DNAH3: variants seen among roughly 807,000 people sequenced by gnomAD.
The protein encoded by DNAH3 is dynein axonemal heavy chain 3.
DNAH3 carries 332 observed loss-of-function variants against 432.5 expected under a neutral mutation model. That is an observed-to-expected ratio of 0.77 (90% confidence interval 0.70 to 0.84). The LOEUF is 0.84. Among genes scored for constraint, DNAH3 ranks in the 40% least tolerant of loss-of-function variants. The probability of loss-of-function intolerance (pLI) is 0.00; values close to 1 mark genes in which losing one functional copy is unlikely to be tolerated. For synonymous variants in DNAH3, 1,956 were observed against 1,900.2 expected (o/e 1.03, Z -0.76); for missense variants, 4,861 against 5,114.0 (o/e 0.95, Z 1.51).
chr16:21,060,409 G>A (rs751122521), intron 25 of DNAH3, 53 bp from the exon 26 acceptor site: 1 of 1,393,146 alleles, frequency 7.2e-7, no homozygotes, highest in Non-Finnish European at 1.0e-6. Context: ...CCCAGAGGGA[G>A]GGAGAGTGGG....
At chr16:21,083,085 C>A (rs879338902) in intron 19 of DNAH3, among the ~76,000 whole-genome samples, 4 of 151,032 alleles carry the variant, frequency 2.6e-5, no homozygotes, top group Non-Finnish European at 5.9e-5. Flanking sequence ...GGCGCAATCT[C>A]GGCTCACTGC....
chr16:20,963,174 G>A (rs2084900329), intron 53 of DNAH3, 110 bp downstream of exon 53: 3 of 1,063,778 alleles, frequency 2.8e-6, no homozygotes, highest in South Asian at 3.3e-5. Flanking sequence ...TGAACCACCT[G>A]GCCTTCAAAG....
chr16:21,021,997 A>T (rs1275306745), exon 40 of DNAH3: 7 of 1,613,994 alleles, frequency 4.3e-6, no homozygotes, highest in Non-Finnish European at 5.9e-6. Flanking sequence ...CAGTCTCATC[A>T]TTGAGAAGGC....
rs142544180 is a variant in DNAH3, at chr16:21,154,603, A to G, written c.117+4722T>C. ...GACTGCTGCTAGGCACTTAGTAGAC[A>G]TCATGTCTTTGAATCTTCTCAACAA... On this transcript the variant is annotated intron_variant, in intron 1 of 61. Transcript: ENST00000261383. Among the ~76,000 whole-genome samples, 10 of 152,306 alleles carry G rather than the reference A, an allele frequency of 6.6e-5. 1 individual carries two copies. The East Asian group carries it at 1.9e-3, about 29-fold the overall frequency.
At position 21,027,036 on chromosome 16, in the gene DNAH3, G is replaced by C. The variant is rs748295537; in HGVS notation, c.5531C>G (p.Thr1844Ser). ...GTGAGGGCTGCCTCACCTGCTCACAGTGGCTGGAGAGGCTTGCTCGAGGTC... is the reference window on the plus strand; with the variant it reads ...GTGAGGGCTGCCTCACCTGCTCACACTGGCTGGAGAGGCTTGCTCGAGGTC... The change falls in exon 38 of 62, where the codon ACT becomes AGT. Residue 1844 changes from threonine to serine, a missense_variant. By Grantham distance (58) the Thr-to-Ser change is moderately conservative. Coordinates refer to ENST00000261383, the Ensembl canonical transcript of DNAH3. The C allele has an allele frequency of 1.9e-6, 3 of 1,613,220 alleles. No homozygotes were observed. In the Admixed American group the frequency reaches 5.0e-5, roughly 27 times the overall value.
chr16:21,112,028 G>T (rs1467634640), exon 13 of DNAH3: 1 of 1,613,678 alleles, frequency 6.2e-7, no homozygotes, highest in Admixed American at 1.7e-5. Context: ...TTTTCTTTCA[G>T]GAACGCAGCG....
At chr16:21,027,907 C>A (rs1175068201) in intron 37 of DNAH3, among the ~76,000 whole-genome samples, 1 of 152,344 alleles carries the variant, frequency 6.6e-6, no homozygotes, top group South Asian at 2.1e-4. Flanking sequence ...AATTCTTTCA[C>A]AAAAGACCCA....
At chr16:20,956,474 G>A (rs1326305084) in intron 54 of DNAH3, among the ~76,000 whole-genome samples, 1 of 152,072 alleles carries the variant, frequency 6.6e-6, no homozygotes. Context: ...ACTATTTCTT[G>A]TATCCAGCCC....
At chr16:20,966,534 T>C (rs1417173849) in intron 52 of DNAH3, among the ~76,000 whole-genome samples, 1 of 152,220 alleles carries the variant, frequency 6.6e-6, no homozygotes, top group African/African-American at 2.4e-5. Context: ...ATAGCACTTA[T>C]TGCAACCTGT....
At chr16:21,104,399 G>A (rs2091902627) in intron 16 of DNAH3, 72 bp downstream of exon 16, 5 of 1,386,060 alleles carry the variant, frequency 3.6e-6, no homozygotes, top group Non-Finnish European at 5.1e-6. Context: ...GGCTTAGACA[G>A]AACCAGGAAC....
intron 48 of DNAH3, among the ~76,000 whole-genome samples, chr16:20,983,394 G>C (rs1567578861): frequency 6.6e-6 from 1 of 152,128 alleles, no homozygotes; most frequent in Non-Finnish European, 1.5e-5. Flanking sequence ...CCAAAGTGCT[G>C]GGATTACAGG....
Position 20,950,780 on chromosome 16 carries a change from C to T in DNAH3, c.11188+1653G>A, listed in dbSNP as rs143328952. Among the ~76,000 whole-genome samples the T allele has an allele frequency of 3.9e-3, 598 of 152,198 alleles. 7 individuals are homozygous for T. Among genetic ancestry groups the T allele is most frequent in the African/African-American group, 0.013 (559 of 41,534 alleles). On this transcript the variant is annotated intron_variant, in intron 56 of 61. Coordinates refer to ENST00000261383, the Ensembl canonical transcript of DNAH3. Reference sequence around the variant, plus strand: ...TCTTATTCCTGTCTCTGGGACTATACGGCACGTTCCTTGAAGTTAGTGGTC... The same window carrying T: ...TCTTATTCCTGTCTCTGGGACTATATGGCACGTTCCTTGAAGTTAGTGGTC...
intron 19 of DNAH3, among the ~76,000 whole-genome samples, chr16:21,086,098 G>A (rs769217432): frequency 3.9e-5 from 6 of 152,150 alleles, no homozygotes; most frequent in Non-Finnish European, 2.9e-5. Flanking sequence ...GGCCAAGTCA[G>A]AGAAGAATCT....
intron 12 of DNAH3, among the ~76,000 whole-genome samples, chr16:21,116,742 T>C (rs2092211690): frequency 1.3e-5 from 2 of 152,206 alleles, no homozygotes; most frequent in African/African-American, 4.8e-5. Context: ...AAACAGACAG[T>C]TGCCTCAAAA....
At chr16:21,074,456 G>A (rs962627688) in intron 21 of DNAH3, among the ~76,000 whole-genome samples, 3 of 152,194 alleles carry the variant, frequency 2.0e-5, no homozygotes, top group African/African-American at 7.2e-5. Flanking sequence ...GCTCACACCT[G>A]TAATCCCAGC....
chr16:20,982,009 T>C (rs896886274), intron 49 of DNAH3, among the ~76,000 whole-genome samples: 1 of 147,846 alleles, frequency 6.8e-6, no homozygotes, highest in African/African-American at 2.5e-5. Context: ...ATATATAATA[T>C]ATATAATTAA....
intron 57 of DNAH3, 113 bp from the exon 58 acceptor site, chr16:20,944,776 GACAC>G (rs71377697): frequency 3.9e-3 from 2,682 of 688,996 alleles, no homozygotes; most frequent in East Asian, 5.0e-3. Flanking sequence ...AGTAGCACAG[GACAC>G]ACACACACAC....
intron 3 of DNAH3, among the ~76,000 whole-genome samples, chr16:21,142,391 A>G (rs2092731163): frequency 6.6e-6 from 1 of 152,160 alleles, no homozygotes. Flanking sequence ...ACATACATAC[A>G]TGCATACATA....
chr16:21,052,140 C>A (rs994772172), intron 28 of DNAH3, among the ~76,000 whole-genome samples: 2 of 152,064 alleles, frequency 1.3e-5, no homozygotes, highest in Non-Finnish European at 2.9e-5. Context: ...TATAGGCGCA[C>A]GCCACCACAC....
Sources: allele counts gnomAD v4.1 joint callset (sites outside exome capture counted in the v4.1 genomes callset), GRCh38; gene constraint gnomAD v4.1.1; transcripts MANE v1.5; gene names NCBI Gene and HGNC (gene_info 2026-07-23, HGNC 2026-07-21).